The following LPAR3 variants were observed in gnomAD, a reference collection of about 807,000 sequenced individuals.
The protein encoded by LPAR3 is LPA receptor 3.
A neutral mutation model predicts 17.8 loss-of-function variants in LPAR3; 7 were observed. The observed-to-expected ratio is 0.39, with a 90% CI of 0.22 to 0.74. The LOEUF (loss-of-function observed/expected upper bound fraction) is 0.74. Among genes scored for constraint, LPAR3 ranks in the 30% least tolerant of loss-of-function variants. LPAR3 has a pLI of 0.40. For missense variants in LPAR3, 391 were observed against 453.4 expected (o/e 0.86, Z 1.25); for synonymous variants, 179 against 179.9 (o/e 0.99, Z 0.04).
intron 2 of LPAR3, among the ~76,000 whole-genome samples, chr1:84,861,727 G>A (rs34180618): frequency 6.6e-6 from 1 of 152,102 alleles, no homozygotes; most frequent in African/African-American, 2.4e-5. Context: ...CTTCCACCAG[G>A]TTCCTCTGTC....
intron 2 of LPAR3, among the ~76,000 whole-genome samples, chr1:84,832,588 T>C (rs1659306538): frequency 6.6e-6 from 1 of 151,822 alleles, no homozygotes; most frequent in Admixed American, 6.6e-5. Flanking sequence ...GGAAAAGGAG[T>C]ATTCTCAATT....
chr1:84,825,633 T>G (rs1182998738), intron 2 of LPAR3, among the ~76,000 whole-genome samples: 1 of 152,198 alleles, frequency 6.6e-6, no homozygotes, highest in Non-Finnish European at 1.5e-5. Flanking sequence ...ATCTCTCTGA[T>G]CTTCTATTCT....
At chr1:84,860,003 CT>C (rs1352822343) in intron 2 of LPAR3, among the ~76,000 whole-genome samples, 1 of 152,168 alleles carries the variant, frequency 6.6e-6, no homozygotes, top group Admixed American at 6.6e-5. Flanking sequence ...GGCCTTGGTG[CT>C]CTTTGGAAAG....
At position 84,825,737 on chromosome 1, in the gene LPAR3, C is replaced by T. The variant is rs138193002; in HGVS notation, c.737-11566G>A. ...AAAATGTTGCCAGGTTTGATGATGA[C>T]GCTGAGGTTCCTATCTCAAACAGAG... On this transcript the variant is annotated intron_variant, in intron 2 of 2. Transcript: ENST00000370611. Among the ~76,000 whole-genome samples the T allele has an allele frequency of 1.3e-3, 194 of 152,288 alleles. 2 individuals are homozygous for T. The highest frequency in any genetic ancestry group is 4.2e-3 in the African/African-American group (176 of 41,554).
At chr1:84,878,452 G>A (rs1415947306) in intron 1 of LPAR3, among the ~76,000 whole-genome samples, 1 of 151,822 alleles carries the variant, frequency 6.6e-6, no homozygotes, top group Non-Finnish European at 1.5e-5. Flanking sequence ...AAATATTATT[G>A]CTTAAGTTAT....
At chr1:84,836,602 A>T (rs1478137058) in intron 2 of LPAR3, among the ~76,000 whole-genome samples, 2 of 152,212 alleles carry the variant, frequency 1.3e-5, no homozygotes, top group Non-Finnish European at 2.9e-5. Context: ...AATCAATTAG[A>T]ATAACTTATT....
At chr1:84,841,200 C>G (rs1570874301) in intron 2 of LPAR3, among the ~76,000 whole-genome samples, 1 of 152,310 alleles carries the variant, frequency 6.6e-6, no homozygotes, top group East Asian at 1.9e-4. Context: ...TCCCGAAACT[C>G]CATTTCCCAT....
At chr1:84,827,441 T>C (rs1659182571) in intron 2 of LPAR3, among the ~76,000 whole-genome samples, 1 of 151,172 alleles carries the variant, frequency 6.6e-6, no homozygotes, top group Admixed American at 6.6e-5. Context: ...ATCTTCCAGA[T>C]AACCAAAGCT....
At chr1:84,826,720 C>T (rs1313544250) in intron 2 of LPAR3, among the ~76,000 whole-genome samples, 1 of 152,056 alleles carries the variant, frequency 6.6e-6, no homozygotes, top group Admixed American at 6.6e-5. Flanking sequence ...GGCATCTGTG[C>T]ATATGTGTGC....
At chr1:84,843,313 C>T (rs1451170615) in intron 2 of LPAR3, among the ~76,000 whole-genome samples, 2 of 152,370 alleles carry the variant, frequency 1.3e-5, no homozygotes, top group East Asian at 3.9e-4. Context: ...TATTCTTAGA[C>T]ATCCAAGAAA....
chr1:84,839,218 G>A (rs926418615), intron 2 of LPAR3, among the ~76,000 whole-genome samples: 7 of 152,158 alleles, frequency 4.6e-5, no homozygotes, highest in African/African-American at 1.7e-4. Flanking sequence ...TCTTCTATGT[G>A]CTCCCAGAAC....
intron 1 of LPAR3, among the ~76,000 whole-genome samples, chr1:84,874,971 C>T (rs568289840): frequency 3.3e-5 from 5 of 150,128 alleles, no homozygotes; most frequent in African/African-American, 1.2e-4. Flanking sequence ...ACGATCTTGG[C>T]TCACTGCAAC....
chr1:84,820,686 G>C (rs1295964105), intron 2 of LPAR3, among the ~76,000 whole-genome samples: 1 of 152,114 alleles, frequency 6.6e-6, no homozygotes, highest in African/African-American at 2.4e-5. Context: ...TTTTAACCAG[G>C]AGTTCATGCA....
At chr1:84,890,463 CTTGGG>C (rs1660532675) in intron 1 of LPAR3, among the ~76,000 whole-genome samples, 1 of 152,152 alleles carries the variant, frequency 6.6e-6, no homozygotes, top group Admixed American at 6.5e-5. Context: ...CTCTTTTAAT[CTTGGG>C]AGATGGATAT....
chr1:84,864,308 A>G (rs761226973), intron 2 of LPAR3, among the ~76,000 whole-genome samples: 2 of 152,152 alleles, frequency 1.3e-5, no homozygotes, highest in Non-Finnish European at 2.9e-5. Context: ...GAAATACTCT[A>G]TTAACCCATT....
At chr1:84,817,591 T>C (rs577392416) in intron 2 of LPAR3, among the ~76,000 whole-genome samples, 34 of 152,286 alleles carry the variant, frequency 2.2e-4, no homozygotes, top group Admixed American at 5.9e-4. Context: ...CTGAAGTACC[T>C]GTTCTCTAGT....
At chr1:84,874,189 G>T (rs1660212620) in intron 1 of LPAR3, among the ~76,000 whole-genome samples, 1 of 152,192 alleles carries the variant, frequency 6.6e-6, no homozygotes, top group South Asian at 2.1e-4. Flanking sequence ...AGCGTACAAT[G>T]GGTGTGCTTG....
chr1:84,867,761 G>A (rs2102766400), intron 1 of LPAR3, among the ~76,000 whole-genome samples: 1 of 152,124 alleles, frequency 6.6e-6, no homozygotes, highest in South Asian at 2.1e-4. Context: ...TTGGCAGACA[G>A]TCACCAATAT....
chr1:84,825,263 C>G (rs2102746981), intron 2 of LPAR3, among the ~76,000 whole-genome samples: 1 of 152,312 alleles, frequency 6.6e-6, no homozygotes, highest in Non-Finnish European at 1.5e-5. Context: ...ACGCATGTCA[C>G]CTGACTCCAG....
Sources: gnomAD v4.1 joint callset for allele counts (sites outside exome capture counted in the v4.1 genomes callset) on GRCh38, gnomAD v4.1.1 for gene constraint, MANE v1.5 for transcripts, NCBI Gene and HGNC (gene_info 2026-07-23, HGNC 2026-07-21) for gene names.